SUCLG2: variants seen among roughly 807,000 people sequenced by gnomAD.
The protein encoded by SUCLG2 is succinate--CoA ligase [GDP-forming] subunit beta, mitochondrial.
SUCLG2 carries 42 observed loss-of-function variants against 47.9 expected under a neutral mutation model. That is an observed-to-expected ratio of 0.88 (90% CI 0.69 to 1.14). The LOEUF is 1.14. Ranked by LOEUF, SUCLG2 falls within the 50% of genes most tolerant of loss-of-function variation. SUCLG2 has a pLI of 0.00. For missense variants in SUCLG2, 571 were observed against 525.9 expected (o/e 1.09, Z -0.84); for synonymous variants, 195 against 197.3 (o/e 0.99, Z 0.10).
chr3:67,432,368 A>G (rs1033038830), intron 9 of SUCLG2, among the ~76,000 whole-genome samples: 9 of 152,190 alleles, frequency 5.9e-5, no homozygotes, highest in Admixed American at 1.3e-4. Context: ...ACAGTACTAG[A>G]GGTGATAATA....
chr3:67,496,026 A>C, intron 8 of SUCLG2, 86 bp from the exon 9 acceptor site: 1 of 1,543,774 alleles, frequency 6.5e-7, no homozygotes, highest in South Asian at 1.2e-5. Context: ...CATATTGCCA[A>C]GAGAGAACTC....
At chr3:67,556,134 G>T (rs183124912) in intron 2 of SUCLG2, among the ~76,000 whole-genome samples, 7 of 152,298 alleles carry the variant, frequency 4.6e-5, no homozygotes, top group Non-Finnish European at 5.9e-5. Flanking sequence ...AAAGATCAAA[G>T]AAATGTTCCA....
rs967985514 is a variant in SUCLG2 at position 67,430,419 on chromosome 3, C to T, written c.1063-29568G>A. 3.9e-5 allele frequency among the ~76,000 whole-genome samples: 6 copies of T among 152,266 alleles called. No individual in the cohort carries two copies. The South Asian group carries it at 1.2e-3, about 32-fold the overall frequency. On this transcript the variant is annotated intron_variant, in intron 9 of 10. Coordinates refer to ENST00000307227, the MANE Select transcript of SUCLG2 (RefSeq NM_003848.4). ...GAAACCAATGAGAACAAAGACACAA[C>T]ATACCAGAATCTCTGAGACACACTT...
At chr3:67,486,212 C>G (rs749207674) in intron 9 of SUCLG2, among the ~76,000 whole-genome samples, 1 of 152,118 alleles carries the variant, frequency 6.6e-6, no homozygotes, top group Non-Finnish European at 1.5e-5. Context: ...CTGCAGTGAG[C>G]TGTGATCACA....
At chr3:67,585,048 G>A (rs1383926859) in intron 2 of SUCLG2, among the ~76,000 whole-genome samples, 1 of 152,148 alleles carries the variant, frequency 6.6e-6, no homozygotes, top group Non-Finnish European at 1.5e-5. Context: ...CTTGAAATGG[G>A]TAAATTTTAT....
At chr3:67,443,995 C>A (rs1703847998) in intron 9 of SUCLG2, among the ~76,000 whole-genome samples, 1 of 125,080 alleles carries the variant, frequency 8.0e-6, no homozygotes, top group East Asian at 3.0e-4. Context: ...CCAGCCGCCC[C>A]ATCCGGGAGG....
rs147941222 is a variant in SUCLG2 at position 67,531,575 on chromosome 3, G to A, written c.227-2389C>T. Among the ~76,000 whole-genome samples, 124 of 152,280 alleles carry A rather than the reference G, an allele frequency of 8.1e-4. 2 individuals carry two copies. The East Asian group carries it at 0.024, about 29-fold the overall frequency. On this transcript the variant is annotated intron_variant, in intron 2 of 10. Coordinates refer to ENST00000307227, the MANE Select transcript of SUCLG2 (RefSeq NM_003848.4). Reference sequence around the variant, plus strand: ...TATTCCATGCAAAACAGTGTTGGTAGAACAAGCAACCAGTTCAGAGACTAT... The same window carrying A: ...TATTCCATGCAAAACAGTGTTGGTAAAACAAGCAACCAGTTCAGAGACTAT...
intron 9 of SUCLG2, among the ~76,000 whole-genome samples, chr3:67,459,654 A>T (rs1704277209): frequency 6.6e-6 from 1 of 152,242 alleles, no homozygotes; most frequent in Non-Finnish European, 1.5e-5. Flanking sequence ...CACCAAGACT[A>T]AATAAATTAG....
At chr3:67,609,678 G>T (rs912183861) in intron 1 of SUCLG2, 82 bp from the exon 2 acceptor site, 99 of 1,365,418 alleles carry the variant, frequency 7.3e-5, no homozygotes, top group Admixed American at 6.0e-4. Context: ...CAGTCTTAGA[G>T]GTACTGTTGA....
chr3:67,459,314 C>T (rs1421910205), intron 9 of SUCLG2, among the ~76,000 whole-genome samples: 1 of 152,112 alleles, frequency 6.6e-6, no homozygotes, highest in Non-Finnish European at 1.5e-5. Flanking sequence ...AGTCAATGTA[C>T]ACAGAAAACC....
intron 2 of SUCLG2, among the ~76,000 whole-genome samples, chr3:67,548,209 A>T (rs1706917751): frequency 6.6e-6 from 1 of 152,234 alleles, no homozygotes; most frequent in Non-Finnish European, 1.5e-5. Context: ...GAGATTTTTA[A>T]GCCAGAAAGA....
At chr3:67,517,929 T>C (rs1350679724) in intron 6 of SUCLG2, among the ~76,000 whole-genome samples, 1 of 152,192 alleles carries the variant, frequency 6.6e-6, no homozygotes. Flanking sequence ...GAATGAGCTG[T>C]ATCACATGCC....
chr3:67,406,061 C>T (rs1269174672), intron 9 of SUCLG2, among the ~76,000 whole-genome samples: 1 of 152,168 alleles, frequency 6.6e-6, no homozygotes, highest in Non-Finnish European at 1.5e-5. Flanking sequence ...CCACAACCAA[C>T]TCTGCCATAT....
chr3:67,375,814 A>G lies in SUCLG2; in HGVS notation c.1229T>C (p.Leu410Pro), dbSNP rs1283739641. ...CAGGTCAATGGCTGAAGTAATGGGGAGTCCGCTGTTGTTGAGTATCTTCTG... is the reference window on the plus strand; with the variant it reads ...CAGGTCAATGGCTGAAGTAATGGGGGGTCCGCTGTTGTTGAGTATCTTCTG... ...EAQKILNNSG[L>P]PITSAIDLED... is the part of the protein sequence containing the mutation. The change falls in exon 11 of 11, where the codon CTC (leucine) becomes CCC (proline). Residue 410 changes from leucine to proline, a missense_variant. By Grantham distance (98) the Leu-to-Pro change is moderately conservative. Transcript: ENST00000307227. 3 of 1,613,904 alleles carry G rather than the reference A, an allele frequency of 1.9e-6. No homozygotes were observed. The highest frequency in any genetic ancestry group is 4.5e-5 in the East Asian group (2 of 44,874).
chr3:67,387,352 C>T (rs1262112129), intron 10 of SUCLG2, among the ~76,000 whole-genome samples: 2 of 151,972 alleles, frequency 1.3e-5, no homozygotes, highest in African/African-American at 2.4e-5. Flanking sequence ...GATCAGAGAC[C>T]CTCAGATTTT....
chr3:67,592,222 G>C lies in SUCLG2; in HGVS notation c.226+17233C>G, dbSNP rs935632024. On this transcript the variant is annotated intron_variant, in intron 2 of 10. Coordinates refer to ENST00000307227, the MANE Select transcript of SUCLG2 (RefSeq NM_003848.4). The stretch of plus-strand genomic sequence containing the variant: ...TTTATAGAGGCAGCCAAATGGTTCA[G>C]AGTGTAAGGCACAGAGTGAAGAACT... Among the ~76,000 whole-genome samples, 6 of 152,208 alleles carry C rather than the reference G, an allele frequency of 3.9e-5. No individual in the cohort carries two copies. The South Asian group carries it at 1.0e-3, about 26-fold the overall frequency.
intron 1 of SUCLG2, among the ~76,000 whole-genome samples, chr3:67,618,495 G>A (rs1232046131): frequency 1.3e-5 from 2 of 152,160 alleles, no homozygotes; most frequent in Non-Finnish European, 2.9e-5. Context: ...CCATCTCACA[G>A]AAGAAGTCTG....
intron 9 of SUCLG2, chr3:67,408,789 GTAAA>G: frequency 7.4e-7 from 1 of 1,342,454 alleles, no homozygotes; most frequent in Non-Finnish European, 9.5e-7. Flanking sequence ...ACTTTCCCTG[GTAAA>G]TAAACTCAAT....
At chr3:67,567,743 G>A (rs926915752) in intron 2 of SUCLG2, among the ~76,000 whole-genome samples, 5 of 151,972 alleles carry the variant, frequency 3.3e-5, no homozygotes, top group Non-Finnish European at 5.9e-5. Context: ...TTCCCCAGTT[G>A]AGCCAAAGTG....
Sources: allele counts gnomAD v4.1 joint callset (sites outside exome capture counted in the v4.1 genomes callset), GRCh38; gene constraint gnomAD v4.1.1; transcripts MANE v1.5; gene names NCBI Gene and HGNC (gene_info 2026-07-23, HGNC 2026-07-21).